The following TPO variants were observed in gnomAD, a reference collection of about 807,000 sequenced individuals.
TPO encodes thyroid peroxidase.
TPO carries 78 observed loss-of-function variants against 96.9 expected under a neutral mutation model. That is an observed-to-expected ratio of 0.81 (90% CI 0.67 to 0.97). The LOEUF (loss-of-function observed/expected upper bound fraction) is 0.97. Among genes scored for constraint, TPO ranks in the 50% least tolerant of loss-of-function variants. The pLI is 0.00. For synonymous variants in TPO, 547 were observed against 538.0 expected (o/e 1.02, Z -0.23); for missense variants, 1,252 against 1,274.8 (o/e 0.98, Z 0.27).
intron 1 of TPO, among the ~76,000 whole-genome samples, chr2:1,414,057 T>G (rs777683210): frequency 6.6e-5 from 10 of 152,214 alleles, no homozygotes; most frequent in Non-Finnish European, 1.5e-4. Context: ...GGGAAACAGA[T>G]TTTTTTCATT....
intron 1 of TPO, among the ~76,000 whole-genome samples, chr2:1,381,772 C>T (rs1398556891): frequency 6.6e-6 from 1 of 152,142 alleles, no homozygotes; most frequent in Non-Finnish European, 1.5e-5. Flanking sequence ...AAAACCACAT[C>T]CTTTTAGGAG....
chr2:1,403,377 A>G (rs1243617843), intron 1 of TPO, among the ~76,000 whole-genome samples: 2 of 152,072 alleles, frequency 1.3e-5, no homozygotes, highest in Non-Finnish European at 2.9e-5. Context: ...TCCTCCTACC[A>G]TCGTGAGATA....
At chr2:1,496,911 G>T (rs1672412916) in intron 13 of TPO, 146 bp downstream of exon 13, 1 of 1,275,966 alleles carries the variant, frequency 7.8e-7, no homozygotes, top group Non-Finnish European at 1.1e-6. Context: ...AGAAAGCAAG[G>T]GCTCTCCCCT....
intron 10 of TPO, among the ~76,000 whole-genome samples, chr2:1,490,765 A>C (rs1450782321): frequency 6.6e-6 from 1 of 152,246 alleles, no homozygotes; most frequent in Admixed American, 6.5e-5. Flanking sequence ...TAAATCAGAT[A>C]AAAGAGAAAC....
intron 8 of TPO, chr2:1,478,366 T>C: frequency 3.0e-6 from 3 of 985,386 alleles, no homozygotes; most frequent in Non-Finnish European, 3.6e-6. Flanking sequence ...TGTGGCGGCC[T>C]GGGCATCGTG....
At chr2:1,454,609 ACAAGGCAATTGGG>A (rs1327143345) in intron 6 of TPO, among the ~76,000 whole-genome samples, 1 of 152,168 alleles carries the variant, frequency 6.6e-6, no homozygotes, top group East Asian at 1.9e-4. Context: ...AGCAGCAGGG[ACAAGGCAATTGGG>A]CTCACGCTCT....
intron 6 of TPO, among the ~76,000 whole-genome samples, chr2:1,455,477 A>T (rs1181616805): frequency 6.6e-6 from 1 of 152,172 alleles, no homozygotes; most frequent in African/African-American, 2.4e-5. Flanking sequence ...TCAGGGTAAG[A>T]TCCATCCAGG....
intron 10 of TPO, among the ~76,000 whole-genome samples, chr2:1,489,778 C>A (rs1005285606): frequency 6.6e-6 from 1 of 152,222 alleles, no homozygotes; most frequent in South Asian, 2.1e-4. Context: ...TTCAGAAGAC[C>A]TGGGATTGGA....
At position 1,536,979 on chromosome 2, in the gene TPO, TCCCCCACTGTGTGCAACCTCAAATC is replaced by T. The variant is rs1231772815; in HGVS notation, c.2619-3597_2619-3573del. ...TCCCCCTGTGTGCAACCCCCCAATC[TCCCCCACTGTGTGCAACCTCAAATC>T]CCCCCACTGTGTGCAACGTCCTCAA... is the stretch of plus-strand genomic sequence containing the variant. On this transcript the variant is annotated intron_variant, in intron 15 of 16. Coordinates refer to ENST00000329066, the MANE Select transcript of TPO (RefSeq NM_001206744.2). 2.4e-3 allele frequency among the ~76,000 whole-genome samples: 53 copies of T among 22,202 alleles called. 1 individual carries two copies. The highest frequency in any genetic ancestry group is 3.6e-3 in the Non-Finnish European group (46 of 12,910). 14.6% of individuals were successfully genotyped at this position (22,202 alleles called of 152,430 possible).
chr2:1,503,603 C>T (rs1355491978), intron 13 of TPO, among the ~76,000 whole-genome samples: 1 of 152,188 alleles, frequency 6.6e-6, no homozygotes, highest in Non-Finnish European at 1.5e-5. Flanking sequence ...CCCACCCTCA[C>T]CCTGGCCCCT....
At chr2:1,493,715 C>G (rs1672036247) in intron 10 of TPO, 87 bp from the exon 11 acceptor site, 1 of 1,504,016 alleles carries the variant, frequency 6.6e-7, no homozygotes, top group African/African-American at 1.4e-5. Context: ...GCTGCGCTTC[C>G]AGTCTCGGGG....
chr2:1,430,812 G>C (rs1664903444), intron 3 of TPO, among the ~76,000 whole-genome samples: 1 of 150,542 alleles, frequency 6.6e-6, no homozygotes, highest in Non-Finnish European at 1.5e-5. Context: ...AAGCCTTCCT[G>C]TTGGCTGATT....
intron 8 of TPO, among the ~76,000 whole-genome samples, chr2:1,479,467 C>A (rs1364125089): frequency 6.6e-6 from 1 of 152,152 alleles, no homozygotes; most frequent in Non-Finnish European, 1.5e-5. Flanking sequence ...TGGTTTGAAC[C>A]TTCTTTGAGT....
At position 1,379,254 on chromosome 2, in the gene TPO, G is replaced by A. The variant is rs529569625; in HGVS notation, n.180+4852G>A. On this transcript the variant is annotated intron_variant and non_coding_transcript_variant, in intron 1 of 5. Transcript: ENST00000497517. The stretch of plus-strand genomic sequence containing the variant: ...CAGGAGGCGGAGGTTGCAGTGAGCC[G>A]AGGTCGCGCCACTGCACTCCAGTCT... Among the ~76,000 whole-genome samples, 229 of 152,110 alleles carry A rather than the reference G, an allele frequency of 1.5e-3. 1 individual carries two copies. Among genetic ancestry groups the A allele is most frequent in the African/African-American group, 5.3e-3 (219 of 41,436 alleles).
chr2:1,431,766 T>C (rs1665000021), intron 3 of TPO, among the ~76,000 whole-genome samples: 1 of 152,232 alleles, frequency 6.6e-6, no homozygotes, highest in African/African-American at 2.4e-5. Flanking sequence ...TATTTTGGGG[T>C]TATTATTAAT....
chr2:1,496,436 C>G (rs939323315), intron 12 of TPO, among the ~76,000 whole-genome samples, 159 bp from the exon 13 acceptor site: 1 of 152,142 alleles, frequency 6.6e-6, no homozygotes, highest in African/African-American at 2.4e-5. Context: ...GGGAAGAGGC[C>G]GTGTGTGCTG....
chr2:1,397,444 T>A (rs542652905), intron 1 of TPO, among the ~76,000 whole-genome samples: 2 of 152,176 alleles, frequency 1.3e-5, no homozygotes, highest in African/African-American at 4.8e-5. Flanking sequence ...CACCATTCCC[T>A]CCCCAGGCAA....
At chr2:1,465,480 T>G (rs1021517608) in intron 7 of TPO, among the ~76,000 whole-genome samples, 23 of 152,308 alleles carry the variant, frequency 1.5e-4, no homozygotes, top group African/African-American at 4.3e-4. Context: ...ATTTGTAGAT[T>G]GCTTTCAGCA....
intron 14 of TPO, among the ~76,000 whole-genome samples, chr2:1,512,836 G>A (rs967130905): frequency 2.6e-5 from 4 of 152,232 alleles, no homozygotes; most frequent in African/African-American, 9.6e-5. Context: ...GAGGTGAACA[G>A]CTGGGGATGC....
Sources: gnomAD v4.1 joint callset for allele counts (sites outside exome capture counted in the v4.1 genomes callset) on GRCh38, gnomAD v4.1.1 for gene constraint, MANE v1.5 for transcripts, NCBI Gene and HGNC (gene_info 2026-07-23, HGNC 2026-07-21) for gene names.